Variants in PPP2R3B observed in about 807,000 individuals in gnomAD.
PPP2R3B encodes the protein protein phosphatase 2 regulatory subunit B''beta, also known as serine/threonine-protein phosphatase 2A regulatory subunit B'' subunit beta.
In PPP2R3B, 68 loss-of-function variants were observed where a neutral mutation model predicts 72.9. The observed-to-expected ratio is 0.93, with a 90% CI of 0.77 to 1.14. The LOEUF is 1.14. Among genes scored for constraint, PPP2R3B ranks in the 50% most tolerant of loss-of-function variants. The pLI, the probability that PPP2R3B is intolerant of heterozygous loss-of-function variation, is 0.00. For missense variants in PPP2R3B, 1,018 were observed against 842.0 expected, an observed-to-expected ratio of 1.21 and a Z score of -2.59; for synonymous variants, 466 against 375.8, an observed-to-expected ratio of 1.24 and a Z score of -2.78.
At position 341,755 on chromosome X, in the gene PPP2R3B, C is replaced by T. The variant is rs1174672910; in HGVS notation, c.1085+128G>A. On this transcript the variant is annotated intron_variant, in intron 8 of 12. Coordinates refer to ENST00000390665, the MANE Select transcript of PPP2R3B (RefSeq NM_013239.5). ...ACGTGACAGAGACACGTGCCCCCCT[C>T]GCCAGGGCCTGGGGTGACAACCACT... 2.3e-5 allele frequency: 24 copies of T among 1,031,542 alleles called. No homozygotes were observed. In the East Asian group the frequency reaches 4.7e-4, roughly 20 times the overall value. The allele number at this position is 1,031,542 out of a possible 1,614,324, so 63.9% of individuals were successfully genotyped here. A position where few individuals can be genotyped will look rare whatever the true frequency, so the allele number is the denominator to read the frequency against.
At chrX:356,204 AGGGTTTTTTGTTTTT>A (rs1438216529) in intron 2 of PPP2R3B, among the ~76,000 whole-genome samples, 2 of 152,116 alleles carry the variant, frequency 1.3e-5, no homozygotes, top group African/African-American at 4.8e-5. Flanking sequence ...CCCCGGAAGC[AGGGTTTTTTGTTTTT>A]TGTTTTTTTG....
intron 12 of PPP2R3B, 169 bp downstream of exon 12, chrX:338,430 TACCTC>T: frequency 3.0e-6 from 2 of 674,560 alleles, no homozygotes; most frequent in Non-Finnish European, 5.2e-6. Flanking sequence ...CGGCTGTCCT[TACCTC>T]ACCGGCCCCG....
intron 1 of PPP2R3B, among the ~76,000 whole-genome samples, chrX:367,618 C>T (rs948655031): frequency 3.9e-5 from 6 of 151,938 alleles, no homozygotes; most frequent in Admixed American, 3.3e-4. Flanking sequence ...GTACTCCAAA[C>T]GAGAGAAAAG....
intron 2 of PPP2R3B, among the ~76,000 whole-genome samples, chrX:352,733 A>T (rs2738403): frequency 6.6e-6 from 1 of 151,454 alleles, no homozygotes; most frequent in Non-Finnish European, 1.5e-5. Context: ...CGCCGACACC[A>T]ACCGACAGGT....
At chrX:373,502 T>C (rs925841112) in intron 1 of PPP2R3B, 6 of 158,600 alleles carry the variant, frequency 3.8e-5, no homozygotes, top group Non-Finnish European at 1.4e-5. Context: ...TCGCCCGGTG[T>C]CGGGCAGCCG....
At chrX:348,376 G>C (rs1322305707) in intron 2 of PPP2R3B, among the ~76,000 whole-genome samples, 2 of 152,052 alleles carry the variant, frequency 1.3e-5, no homozygotes, top group Non-Finnish European at 2.9e-5. Flanking sequence ...AGGAGTTCGA[G>C]ACCAGCCTGG....
rs745885382 is a variant in PPP2R3B at position 364,091 on chromosome X, C to T, written c.325-2501G>A. 1.2e-3 allele frequency among the ~76,000 whole-genome samples: 179 copies of T among 152,336 alleles called. 1 individual carries two copies. The highest frequency in any genetic ancestry group is 3.6e-3 in the African/African-American group (150 of 41,576). ...AGGCTCTGCCTTCAGAAGCGTGGGC[C>T]GAGCGGGCTCACCCGAAATCTCTCA... On this transcript the variant is annotated intron_variant, in intron 1 of 12. Coordinates refer to ENST00000390665, the MANE Select transcript of PPP2R3B (RefSeq NM_013239.5).
chrX:364,234 C>T (rs750999586), intron 1 of PPP2R3B, among the ~76,000 whole-genome samples: 46 of 152,302 alleles, frequency 3.0e-4, no homozygotes, highest in East Asian at 3.9e-4. Context: ...AGCGCGCCTC[C>T]GGCCCCAGGA....
chrX:341,642 G>T, intron 8 of PPP2R3B: 1 of 646,476 alleles, frequency 1.5e-6, no homozygotes, highest in South Asian at 1.9e-5. Context: ...CCCAGCGCCC[G>T]ACAAGAACCC....
chrX:351,668 G>A (rs370869075), intron 2 of PPP2R3B, among the ~76,000 whole-genome samples: 2 of 128,128 alleles, frequency 1.6e-5, no homozygotes, highest in African/African-American at 2.9e-5. Context: ...GCCCAGGCTG[G>A]AGTGCAGTGT....
At chrX:367,350 G>A (rs772759493) in intron 1 of PPP2R3B, among the ~76,000 whole-genome samples, 1 of 151,110 alleles carries the variant, frequency 6.6e-6, no homozygotes, top group South Asian at 2.1e-4. Flanking sequence ...CATGCTGACT[G>A]GATGAGTGTG....
In PPP2R3B at chrX:369,865, C is replaced by T. The variant is rs368784115; in HGVS notation, c.325-8275G>A. 3.4e-3 allele frequency among the ~76,000 whole-genome samples: 524 copies of T among 152,340 alleles called. 2 individuals are homozygous for T. Among genetic ancestry groups the T allele is most frequent in the African/African-American group, 0.012 (485 of 41,580 alleles). On this transcript the variant is annotated intron_variant, in intron 1 of 12. Coordinates refer to ENST00000390665, the MANE Select transcript of PPP2R3B (RefSeq NM_013239.5). Reference sequence around the variant, plus strand: ...AGGAGCCCCCGCTCTGCAGCGGCCCCCACTCTGCAGCGGGAGGCGGAAGCA... The same window carrying T: ...AGGAGCCCCCGCTCTGCAGCGGCCCTCACTCTGCAGCGGGAGGCGGAAGCA...
chrX:371,977 A>C (rs2071876208), intron 1 of PPP2R3B, among the ~76,000 whole-genome samples: 1 of 152,158 alleles, frequency 6.6e-6, no homozygotes, highest in Non-Finnish European at 1.5e-5. Flanking sequence ...CCAGAAACTG[A>C]CTTTTTAAAA....
intron 2 of PPP2R3B, among the ~76,000 whole-genome samples, chrX:349,017 C>T (rs1024226829): frequency 5.9e-5 from 9 of 151,958 alleles, no homozygotes; most frequent in South Asian, 2.1e-4. Flanking sequence ...AAGTCCAACT[C>T]GGCAATAATA....
chrX:372,818 C>T (rs1422642085), intron 1 of PPP2R3B, among the ~76,000 whole-genome samples: 4 of 152,174 alleles, frequency 2.6e-5, no homozygotes, highest in Admixed American at 1.3e-4. Flanking sequence ...ATTAGCCCTA[C>T]TCGGGAGGCT....
chrX:355,049 T>G (rs1569396320), intron 2 of PPP2R3B, among the ~76,000 whole-genome samples: 1 of 152,174 alleles, frequency 6.6e-6, no homozygotes, highest in Non-Finnish European at 1.5e-5. Context: ...GAGACACCGA[T>G]GCAGACGAGA....
At chrX:367,083 C>A (rs1429506337) in intron 1 of PPP2R3B, among the ~76,000 whole-genome samples, 2 of 144,426 alleles carry the variant, frequency 1.4e-5, no homozygotes, top group Non-Finnish European at 3.0e-5. Flanking sequence ...ATTTACAGAG[C>A]ATGCACCCCA....
intron 1 of PPP2R3B, among the ~76,000 whole-genome samples, chrX:385,267 G>A (rs2072220400): frequency 6.8e-6 from 1 of 148,082 alleles, no homozygotes; most frequent in African/African-American, 2.5e-5. Flanking sequence ...AACCCACTCA[G>A]CATAAATTCC....
rs867389990 is a variant in PPP2R3B at position 366,922 on chromosome X, A to G, written c.325-5332T>C. On this transcript the variant is annotated intron_variant, in intron 1 of 12. Transcript: ENST00000390665. ...GCATGCCTGTAATCCCAGCTACTTG[A>G]GAGGCTGAGGCAGGAGAATCGCTTA... 7.2e-3 allele frequency among the ~76,000 whole-genome samples: 1,038 copies of G among 144,454 alleles called. 11 individuals carry two copies. The highest frequency in any genetic ancestry group is 0.018 in the Middle Eastern group (5 of 274). 94.8% of individuals were successfully genotyped at this position (144,454 alleles called of 152,430 possible).
Sources: gnomAD v4.1 joint callset for allele counts (sites outside exome capture counted in the v4.1 genomes callset) on GRCh38, gnomAD v4.1.1 for gene constraint, MANE v1.5 for transcripts, NCBI Gene and HGNC (gene_info 2026-07-23, HGNC 2026-07-21) for gene names.